Variants in ANXA5 observed in about 807,000 individuals in gnomAD.
ANXA5 encodes the protein annexin A5.
Under a neutral mutation model 48.1 loss-of-function variants are expected in ANXA5, and 40 were observed. The observed-to-expected ratio is 0.83, with a 90% CI of 0.65 to 1.08. The LOEUF (loss-of-function observed/expected upper bound fraction) is 1.08. ANXA5 is among the 50% of genes least tolerant of loss of function. The pLI, the probability that ANXA5 is intolerant of heterozygous loss-of-function variation, is 0.00. For synonymous variants in ANXA5, 113 were observed against 129.1 expected (o/e 0.88, Z 0.85); for missense variants, 357 against 376.8 (o/e 0.95, Z 0.44).
At chr4:121,694,849 C>A (rs1485151718) in intron 2 of ANXA5, among the ~76,000 whole-genome samples, 1 of 152,134 alleles carries the variant, frequency 6.6e-6, no homozygotes. Context: ...GTTATATTGT[C>A]ATAGGGCTCA....
At position 121,683,465 on chromosome 4, in the gene ANXA5, C is replaced by G; in HGVS notation, c.202G>C (p.Asp68His). Residue 68 changes from aspartate (D) to histidine (H), a missense_variant, in exon 5 of 13, where the codon GAC (aspartate) becomes CAC (histidine). Transcript: ENST00000296511. The stretch of plus-strand genomic sequence containing the variant: ...TTTCCAGTTAGTTCTGATTTCAGGT[C>G]ATCCAGAAGATCCTAACCCACAGAA... ...KTLFGRDLLD[D>H]LKSELTGKFE... 6.3e-7 allele frequency: 1 copy of G among 1,599,518 alleles called. No homozygotes were observed. The highest frequency in any genetic ancestry group is 8.6e-7 in the Non-Finnish European group (1 of 1,168,306).
chr4:121,695,959 T>C (rs1301383744), intron 2 of ANXA5, among the ~76,000 whole-genome samples: 1 of 151,436 alleles, frequency 6.6e-6, no homozygotes, highest in Non-Finnish European at 1.5e-5. Context: ...TATCAATTTC[T>C]GAAACAGTCC....
chr4:121,694,557 G>GT (rs1725046542), intron 2 of ANXA5, among the ~76,000 whole-genome samples: 1 of 151,710 alleles, frequency 6.6e-6, no homozygotes, highest in Non-Finnish European at 1.5e-5. Context: ...GCTAATTTTT[G>GT]TATTTTTAGA....
chr4:121,678,035 T>G, intron 7 of ANXA5, 85 bp from the exon 8 acceptor site: 1 of 980,568 alleles, frequency 1.0e-6, no homozygotes, highest in Non-Finnish European at 1.6e-6. Flanking sequence ...GGTTATTCAA[T>G]AACACTCTTT....
At chr4:121,672,509 C>T in intron 9 of ANXA5, 24 bp downstream of exon 9, 1 of 1,554,356 alleles carries the variant, frequency 6.4e-7, no homozygotes, top group Non-Finnish European at 8.9e-7. Context: ...ATGTATCTGC[C>T]CCATACAGAT....
intron 2 of ANXA5, among the ~76,000 whole-genome samples, chr4:121,694,938 G>T (rs1313203871): frequency 6.6e-6 from 1 of 152,098 alleles, no homozygotes; most frequent in Non-Finnish European, 1.5e-5. Flanking sequence ...ATCATTCTTT[G>T]AAATTATTAA....
At chr4:121,691,735 C>T (rs1305158193) in intron 2 of ANXA5, among the ~76,000 whole-genome samples, 2 of 152,164 alleles carry the variant, frequency 1.3e-5, no homozygotes, top group African/African-American at 2.4e-5. Context: ...ACTCCATGTA[C>T]ATACACTAGG....
At position 121,671,972 on chromosome 4, in the gene ANXA5, A is replaced by C. The variant is rs541651310; in HGVS notation, c.626-330T>G. ...CCTTTTCTTTCCTTCCTGCTGTGAAATGGTTAAGTTTGGAGCTAGAGCAGA... is the reference window on the plus strand; with the variant it reads ...CCTTTTCTTTCCTTCCTGCTGTGAACTGGTTAAGTTTGGAGCTAGAGCAGA... On this transcript the variant is annotated intron_variant, in intron 9 of 12. Coordinates refer to ENST00000296511, the MANE Select transcript of ANXA5 (RefSeq NM_001154.4). 5.9e-5 allele frequency among the ~76,000 whole-genome samples: 9 copies of C among 152,318 alleles called. No individual in the cohort carries two copies. The South Asian group carries it at 1.9e-3, about 32-fold the overall frequency.
intron 2 of ANXA5, among the ~76,000 whole-genome samples, chr4:121,695,561 A>T (rs929541788): frequency 2.0e-5 from 3 of 152,224 alleles, no homozygotes; most frequent in Non-Finnish European, 4.4e-5. Flanking sequence ...AGACTGTATA[A>T]CATGGTCAAT....
At chr4:121,668,862 GA>G (rs1333257716) in intron 12 of ANXA5, among the ~76,000 whole-genome samples, 1 of 152,034 alleles carries the variant, frequency 6.6e-6, no homozygotes, top group Middle Eastern at 3.4e-3. Flanking sequence ...CTCCGAGACA[GA>G]AGGGCAGAAC....
chr4:121,683,314 C>T (rs772671491), intron 5 of ANXA5, 50 bp downstream of exon 5: 2 of 1,129,628 alleles, frequency 1.8e-6, no homozygotes, highest in Admixed American at 2.6e-5. Context: ...ATTACCAAAA[C>T]AAAATAATAC....
At chr4:121,670,972 C>G (rs1012092546) in intron 10 of ANXA5, among the ~76,000 whole-genome samples, 1 of 152,120 alleles carries the variant, frequency 6.6e-6, no homozygotes, top group Non-Finnish European at 1.5e-5. Context: ...AGGAGACTCA[C>G]AAACTAGATT....
intron 1 of ANXA5, 74 bp from the exon 2 acceptor site, chr4:121,696,698 G>T: frequency 1.9e-6 from 2 of 1,071,094 alleles, no homozygotes; most frequent in Non-Finnish European, 2.4e-6. Context: ...AGGTCCGCGG[G>T]GACCCGGCGG....
intron 6 of ANXA5, among the ~76,000 whole-genome samples, chr4:121,681,150 T>C (rs1187399822): frequency 2.6e-5 from 4 of 152,204 alleles, no homozygotes; most frequent in Non-Finnish European, 4.4e-5. Context: ...TTTCTGTTCA[T>C]ATAAAAGACA....
intron 2 of ANXA5, among the ~76,000 whole-genome samples, chr4:121,689,118 T>A (rs1254239357): frequency 6.6e-6 from 1 of 152,216 alleles, no homozygotes; most frequent in African/African-American, 2.4e-5. Context: ...GAGAAATTGA[T>A]AAGATTTGAG....
chr4:121,696,129 GT>G (rs1356055917), intron 2 of ANXA5, among the ~76,000 whole-genome samples: 1 of 121,834 alleles, frequency 8.2e-6, no homozygotes, highest in Non-Finnish European at 1.6e-5. Context: ...CTCAATCACA[GT>G]ATTAAAATAC....
intron 2 of ANXA5, among the ~76,000 whole-genome samples, chr4:121,686,780 G>A (rs768587359): frequency 3.3e-5 from 5 of 152,142 alleles, no homozygotes; most frequent in Non-Finnish European, 5.9e-5. Context: ...CAGTGCTCTT[G>A]TTACGTGCCT....
At position 121,669,562 on chromosome 4, in the gene ANXA5, T is replaced by G. The variant is rs571400173; in HGVS notation, c.903+40A>C. ...TCTTTCATGCAACATACCAGTCTGCTTTGGATTCCCAAACGTAATTTAAAG... is the reference window on the plus strand; with the variant it reads ...TCTTTCATGCAACATACCAGTCTGCGTTGGATTCCCAAACGTAATTTAAAG... On this transcript the variant is annotated intron_variant, in intron 12 of 12. Coordinates refer to ENST00000296511, the MANE Select transcript of ANXA5 (RefSeq NM_001154.4). 8.1e-6 allele frequency: 13 copies of G among 1,611,752 alleles called. 1 individual carries two copies. The South Asian group carries it at 1.3e-4, about 16-fold the overall frequency.
chr4:121,684,338 T>C (rs1442779363), intron 4 of ANXA5, among the ~76,000 whole-genome samples: 2 of 152,298 alleles, frequency 1.3e-5, no homozygotes, highest in East Asian at 3.9e-4. Flanking sequence ...AAACAAAACA[T>C]ATTTTAATAC....
Sources: allele counts gnomAD v4.1 joint callset (sites outside exome capture counted in the v4.1 genomes callset), GRCh38; gene constraint gnomAD v4.1.1; transcripts MANE v1.5; gene names NCBI Gene and HGNC (gene_info 2026-07-23, HGNC 2026-07-21).